Variants in NAALADL2 observed in about 807,000 individuals in gnomAD.
NAALADL2 encodes N-acetylated alpha-linked acidic dipeptidase like 2.
Under a neutral mutation model 87.2 loss-of-function variants are expected in NAALADL2, and 76 were observed. The observed-to-expected ratio is 0.87, with a 90% CI of 0.72 to 1.05. NAALADL2 has a LOEUF of 1.05. NAALADL2 is among the 50% of genes least tolerant of loss of function. The pLI is 0.00. For synonymous variants in NAALADL2, 354 were observed against 331.0 expected (o/e 1.07, Z -0.75); for missense variants, 1,089 against 945.8 (o/e 1.15, Z -1.99).
intron 3 of NAALADL2, among the ~76,000 whole-genome samples, chr3:174,770,841 G>A (rs532429952): frequency 7.8e-6 from 1 of 127,870 alleles, no homozygotes; most frequent in Non-Finnish European, 1.7e-5. Flanking sequence ...GCAAGACTCG[G>A]TCTAACAAAA....
intron 1 of NAALADL2, among the ~76,000 whole-genome samples, chr3:174,994,293 G>A (rs757731489): frequency 6.6e-6 from 1 of 152,172 alleles, no homozygotes; most frequent in Non-Finnish European, 1.5e-5. Context: ...ATAAAGTGTG[G>A]CAGAGGGATG....
chr3:174,768,496 T>C (rs1714134214), intron 3 of NAALADL2, among the ~76,000 whole-genome samples: 1 of 152,166 alleles, frequency 6.6e-6, no homozygotes, highest in South Asian at 2.1e-4. Flanking sequence ...AGTCAAGTAA[T>C]ATAAGGCACC....
At chr3:174,859,100 T>C (rs1726165252), upstream of NAALADL2, among the ~76,000 whole-genome samples, 1 of 152,050 alleles carries the variant, frequency 6.6e-6, no homozygotes, top group Non-Finnish European at 1.5e-5. Flanking sequence ...TAGGGGAAAA[T>C]ATAAATATGT....
chr3:174,500,643 T>C (rs1718821372), intron 1 of NAALADL2, among the ~76,000 whole-genome samples: 1 of 152,190 alleles, frequency 6.6e-6, no homozygotes, highest in Admixed American at 6.5e-5. Context: ...TTCCTATCCT[T>C]CTATTCCTAG....
intron 5 of NAALADL2, among the ~76,000 whole-genome samples, chr3:175,332,361 G>T (rs1304615417): frequency 6.6e-6 from 1 of 152,156 alleles, no homozygotes; most frequent in South Asian, 2.1e-4. Context: ...TACGGTATTG[G>T]TATAAAAACA....
At chr3:174,559,979 A>G (rs1450985187) in intron 2 of NAALADL2, among the ~76,000 whole-genome samples, 1 of 152,204 alleles carries the variant, frequency 6.6e-6, no homozygotes, top group East Asian at 1.9e-4. Context: ...CCTTTCCAAA[A>G]TTGAGTTTTC....
chr3:175,590,923 G>A (rs922588319), intron 10 of NAALADL2, among the ~76,000 whole-genome samples: 1 of 152,108 alleles, frequency 6.6e-6, no homozygotes, highest in Non-Finnish European at 1.5e-5. Flanking sequence ...AGGGATGAAG[G>A]GGGGTGCGAA....
chr3:175,487,695 G>C (rs555857546), intron 9 of NAALADL2: 1 of 325,380 alleles, frequency 3.1e-6, no homozygotes, highest in South Asian at 2.5e-5. Context: ...AGAATTATTA[G>C]TACAATGTCT....
At chr3:175,519,902 T>C (rs1732388622) in intron 9 of NAALADL2, among the ~76,000 whole-genome samples, 1 of 152,228 alleles carries the variant, frequency 6.6e-6, no homozygotes, top group African/African-American at 2.4e-5. Flanking sequence ...ACGCAATTAA[T>C]GACGTCAAAT....
intron 3 of NAALADL2, among the ~76,000 whole-genome samples, chr3:174,815,101 G>C (rs1720645148): frequency 6.6e-6 from 1 of 152,164 alleles, no homozygotes; most frequent in Admixed American, 6.6e-5. Context: ...CCTGGTTCTA[G>C]TTTTATAGCA....
intron 1 of NAALADL2, among the ~76,000 whole-genome samples, chr3:174,926,440 A>G (rs1040516466): frequency 6.6e-6 from 1 of 152,176 alleles, no homozygotes; most frequent in African/African-American, 2.4e-5. Flanking sequence ...GAAAAATGTT[A>G]AGGGCAGCCA....
At chr3:174,827,285 T>A (rs527353064) in intron 3 of NAALADL2, among the ~76,000 whole-genome samples, 1 of 152,342 alleles carries the variant, frequency 6.6e-6, no homozygotes, top group South Asian at 2.1e-4. Flanking sequence ...CAAAACAAAC[T>A]TACTGTCTTA....
At chr3:175,520,948 T>C (rs1437197246) in intron 9 of NAALADL2, among the ~76,000 whole-genome samples, 1 of 152,150 alleles carries the variant, frequency 6.6e-6, no homozygotes, top group East Asian at 1.9e-4. Context: ...GATTAGAATC[T>C]AAAATTTCGT....
chr3:174,888,826 C>T (rs903825033), intron 1 of NAALADL2, among the ~76,000 whole-genome samples: 11 of 152,200 alleles, frequency 7.2e-5, no homozygotes, highest in African/African-American at 2.4e-4. Flanking sequence ...TCGGCATAAA[C>T]ATATAAATTG....
intron 1 of NAALADL2, among the ~76,000 whole-genome samples, chr3:174,463,953 C>T (rs1716369497): frequency 6.6e-6 from 1 of 151,902 alleles, no homozygotes; most frequent in Non-Finnish European, 1.5e-5. Flanking sequence ...TTTGCTTTCT[C>T]TCTTAAGTGC....
intron 2 of NAALADL2, among the ~76,000 whole-genome samples, chr3:175,214,764 T>C (rs1184163332): frequency 6.6e-6 from 1 of 152,184 alleles, no homozygotes; most frequent in Non-Finnish European, 1.5e-5. Flanking sequence ...TAACAAAATG[T>C]AGTTAATAAG....
chr3:175,581,421 G>A (rs758765983), intron 10 of NAALADL2, among the ~76,000 whole-genome samples: 1 of 152,162 alleles, frequency 6.6e-6, no homozygotes, highest in African/African-American at 2.4e-5. Context: ...CAGCCTGGGG[G>A]ACAGCGTGAG....
intron 9 of NAALADL2, among the ~76,000 whole-genome samples, chr3:175,546,317 T>C (rs1057110663): frequency 6.6e-6 from 1 of 152,132 alleles, no homozygotes; most frequent in African/African-American, 2.4e-5. Flanking sequence ...GAAGACACCA[T>C]ACCAATGGTT....
intron 11 of NAALADL2, among the ~76,000 whole-genome samples, chr3:175,688,685 G>A (rs1736646433): frequency 6.6e-6 from 1 of 152,148 alleles, no homozygotes; most frequent in East Asian, 1.9e-4. Flanking sequence ...GGAGAGGAGG[G>A]TGGATGGAGG....
Sources: gnomAD v4.1 joint callset for allele counts (sites outside exome capture counted in the v4.1 genomes callset) on GRCh38, gnomAD v4.1.1 for gene constraint, MANE v1.5 for transcripts, NCBI Gene and HGNC (gene_info 2026-07-23, HGNC 2026-07-21) for gene names.